The following SYN3 variants were observed in gnomAD, a reference collection of about 807,000 sequenced individuals.
The protein encoded by SYN3 is synapsin-3.
A neutral mutation model predicts 65.8 loss-of-function variants in SYN3; 35 were observed. The ratio of observed to expected loss-of-function variants is 0.53; its 90% confidence interval spans 0.41 to 0.70. The LOEUF (loss-of-function observed/expected upper bound fraction) is 0.70. SYN3 is among the 30% of genes least tolerant of loss of function. SYN3 has a pLI of 0.00. For synonymous variants in SYN3, 270 were observed against 292.9 expected (o/e 0.92, Z 0.80); for missense variants, 680 against 749.0 (o/e 0.91, Z 1.08).
At chr22:33,025,465 C>T (rs1035266673) in intron 1 of SYN3, among the ~76,000 whole-genome samples, 8 of 145,774 alleles carry the variant, frequency 5.5e-5, no homozygotes, top group African/African-American at 1.3e-4. Flanking sequence ...GAAAGCTGGT[C>T]TCTACTAAAA....
At chr22:32,813,486 T>TACACAC (rs130277) in intron 6 of SYN3, among the ~76,000 whole-genome samples, 34 of 138,186 alleles carry the variant, frequency 2.5e-4, no homozygotes, top group South Asian at 5.1e-4. Flanking sequence ...TCTGAAAAGA[T>TACACAC]ACACACACAC....
At chr22:32,556,834 T>TTTTTTTTTTTTTTGTG (rs1569035464) in intron 7 of SYN3, among the ~76,000 whole-genome samples, 1 of 129,288 alleles carries the variant, frequency 7.7e-6, no homozygotes, top group Non-Finnish European at 1.6e-5. Flanking sequence ...TTTTTTTTTT[T>TTTTTTTTTTTTTTGTG]TGTGTGTAGA....
chr22:32,675,695 A>C (rs2060430438), intron 6 of SYN3, among the ~76,000 whole-genome samples: 1 of 152,196 alleles, frequency 6.6e-6, no homozygotes, highest in Non-Finnish European at 1.5e-5. Context: ...TCTGATTATT[A>C]AGCTAAAAGC....
At chr22:32,666,162 A>C (rs891703215) in intron 6 of SYN3, among the ~76,000 whole-genome samples, 4 of 152,106 alleles carry the variant, frequency 2.6e-5, no homozygotes, top group African/African-American at 2.4e-5. Context: ...TTACTGCTTC[A>C]CCTTGGCCCA....
At chr22:32,565,623 C>T (rs1363132347) in intron 7 of SYN3, among the ~76,000 whole-genome samples, 2 of 150,854 alleles carry the variant, frequency 1.3e-5, no homozygotes, top group Non-Finnish European at 3.0e-5. Context: ...CTCAAGCAAT[C>T]CTCCTGCTAC....
At chr22:32,710,088 C>CACAT (rs765732144) in intron 6 of SYN3, among the ~76,000 whole-genome samples, 1 of 96,350 alleles carries the variant, frequency 1.0e-5, no homozygotes, top group Non-Finnish European at 1.9e-5. Flanking sequence ...CACACACACA[C>CACAT]ACACACACAC....
chr22:32,560,823 C>T (rs1485803541), intron 7 of SYN3, among the ~76,000 whole-genome samples: 3 of 152,080 alleles, frequency 2.0e-5, no homozygotes, highest in Non-Finnish European at 4.4e-5. Flanking sequence ...AAGCAAGGGA[C>T]CTGTTGGAAG....
chr22:32,555,616 G>A (rs1186751759), intron 7 of SYN3, among the ~76,000 whole-genome samples: 1 of 152,188 alleles, frequency 6.6e-6, no homozygotes, highest in Non-Finnish European at 1.5e-5. Flanking sequence ...TCAGGAGGAT[G>A]CATACCAAAA....
At chr22:32,885,526 T>A (rs144177837) in intron 4 of SYN3, among the ~76,000 whole-genome samples, 2 of 151,582 alleles carry the variant, frequency 1.3e-5, no homozygotes, top group Non-Finnish European at 2.9e-5. Context: ...GGCAGGTACA[T>A]CTCAGGCCTC....
chr22:32,601,181 T>A (rs1010613035), intron 6 of SYN3, among the ~76,000 whole-genome samples: 2 of 152,192 alleles, frequency 1.3e-5, no homozygotes, highest in African/African-American at 2.4e-5. Context: ...AATCTGAGAA[T>A]GTTTAAGTAA....
chr22:32,998,682 C>G (rs960510651), intron 2 of SYN3, among the ~76,000 whole-genome samples: 1 of 149,818 alleles, frequency 6.7e-6, no homozygotes, highest in African/African-American at 2.5e-5. Context: ...GGGAGGTACA[C>G]CAACTCCACC....
At chr22:33,031,617 C>A (rs953731883) in intron 1 of SYN3, among the ~76,000 whole-genome samples, 7 of 152,084 alleles carry the variant, frequency 4.6e-5, no homozygotes, top group Non-Finnish European at 1.0e-4. Flanking sequence ...GCTTCCTTCA[C>A]AGCCTGAGGG....
chr22:32,770,208 T>C (rs993612870), intron 6 of SYN3, among the ~76,000 whole-genome samples: 1 of 152,164 alleles, frequency 6.6e-6, no homozygotes, highest in Non-Finnish European at 1.5e-5. Context: ...TTTTACCACA[T>C]CTATCACTAA....
chr22:32,993,518 G>C (rs1474920344), intron 2 of SYN3, among the ~76,000 whole-genome samples: 1 of 152,086 alleles, frequency 6.6e-6, no homozygotes, highest in Admixed American at 6.6e-5. Context: ...GCTAATTTTT[G>C]TATTTTTAGT....
chr22:32,527,883 C>A lies in SYN3; in HGVS notation c.1318+35G>T, dbSNP rs778638952. 5.8e-6 allele frequency: 9 copies of A among 1,557,460 alleles called. No homozygotes were observed. The Admixed American group carries it at 1.1e-4, about 19-fold the overall frequency. On this transcript the variant is annotated intron_variant, in intron 12 of 13. Transcript: ENST00000358763. ...TCGGTGCATTTCAGCACCCTCACTG[C>A]ATGCTTTCTTGCAGTGGCTCGTCCT...
At chr22:33,056,446 G>C (rs1202119307) in intron 1 of SYN3, among the ~76,000 whole-genome samples, 2 of 152,142 alleles carry the variant, frequency 1.3e-5, no homozygotes, top group African/African-American at 4.8e-5. Flanking sequence ...CCAGCTCCCA[G>C]GTGAGTCCCT....
At chr22:32,982,691 T>A (rs1352984046) in intron 2 of SYN3, among the ~76,000 whole-genome samples, 1 of 152,208 alleles carries the variant, frequency 6.6e-6, no homozygotes, top group Non-Finnish European at 1.5e-5. Context: ...ACTTTCTTCC[T>A]AACACCTACC....
intron 3 of SYN3, among the ~76,000 whole-genome samples, chr22:32,975,054 T>C (rs2052142701): frequency 6.6e-6 from 1 of 152,168 alleles, no homozygotes; most frequent in African/African-American, 2.4e-5. Flanking sequence ...GTTAGGTCTT[T>C]TTCGTTTTTC....
intron 7 of SYN3, among the ~76,000 whole-genome samples, chr22:32,572,384 TTCCTTC>T (rs2058779942): frequency 4.1e-5 from 3 of 73,560 alleles, no homozygotes; most frequent in African/African-American, 7.5e-5. Flanking sequence ...CCTCCCATCT[TTCCTTC>T]CTTCCCTCCC....
Sources: allele counts gnomAD v4.1 joint callset (sites outside exome capture counted in the v4.1 genomes callset), GRCh38; gene constraint gnomAD v4.1.1; transcripts MANE v1.5; gene names NCBI Gene and HGNC (gene_info 2026-07-23, HGNC 2026-07-21).